THSD7A: variants seen among roughly 807,000 people sequenced by gnomAD.
THSD7A encodes the protein thrombospondin type 1 domain containing 7A.
In THSD7A, 96 loss-of-function variants were observed where a neutral mutation model predicts 231.3. The ratio of observed to expected loss-of-function variants is 0.41; its 90% confidence interval spans 0.35 to 0.49. The LOEUF (loss-of-function observed/expected upper bound fraction) is 0.49. THSD7A is among the 20% of genes least tolerant of loss of function. THSD7A has a pLI of 0.05. For missense variants in THSD7A, 2,290 were observed against 2,070.2 expected, an observed-to-expected ratio of 1.11 and a Z score of -2.06; for synonymous variants, 940 against 743.3, an observed-to-expected ratio of 1.26 and a Z score of -4.30.
intron 6 of THSD7A, among the ~76,000 whole-genome samples, chr7:11,510,558 T>C (rs147640956): frequency 1.9e-4 from 29 of 152,066 alleles, no homozygotes; most frequent in African/African-American, 7.0e-4. Context: ...CAGCAGCACA[T>C]CAAAAAGCTT....
intron 4 of THSD7A, among the ~76,000 whole-genome samples, chr7:11,545,210 G>A (rs1336950935): frequency 1.3e-5 from 2 of 151,974 alleles, no homozygotes; most frequent in Non-Finnish European, 2.9e-5. Context: ...AAAATGAGAG[G>A]TTTTGGGTAG....
chr7:11,508,949 A>T (rs1338242646), intron 6 of THSD7A, among the ~76,000 whole-genome samples: 1 of 152,214 alleles, frequency 6.6e-6, no homozygotes, highest in African/African-American at 2.4e-5. Flanking sequence ...GGAGAGGGAA[A>T]TGAAGACTTA....
intron 4 of THSD7A, among the ~76,000 whole-genome samples, chr7:11,563,133 A>G (rs1682576700): frequency 6.6e-6 from 1 of 152,116 alleles, no homozygotes; most frequent in African/African-American, 2.4e-5. Context: ...GAATCATAGA[A>G]GTTTATTTCC....
Position 11,812,239 on chromosome 7 carries a change from T to G in THSD7A, c.190+19518A>C, listed in dbSNP as rs1215182686. On this transcript the variant is annotated intron_variant, in intron 1 of 27. Coordinates refer to ENST00000423059, the MANE Select transcript of THSD7A (RefSeq NM_015204.3). ...GAAGAAGATTTAGAAAGTTTTGTTG[T>G]GTGGTGTTCAATTTAAACTCCTGCG... 2.6e-5 allele frequency among the ~76,000 whole-genome samples: 4 copies of G among 151,966 alleles called. No homozygotes were observed. In the East Asian group the frequency reaches 5.8e-4, roughly 22 times the overall value.
intron 1 of THSD7A, among the ~76,000 whole-genome samples, chr7:11,769,154 T>TATATATATA (rs1554275711): frequency 3.1e-4 from 9 of 29,378 alleles, no homozygotes; most frequent in East Asian, 1.3e-3. Flanking sequence ...TATATATATA[T>TATATATATA]TTTTTTTTTT....
intron 19 of THSD7A, 147 bp from the exon 20 acceptor site, chr7:11,407,570 A>G: frequency 1.6e-6 from 1 of 641,584 alleles, no homozygotes; most frequent in Non-Finnish European, 2.7e-6. Flanking sequence ...CATCCAAACT[A>G]TTGAAAGTAT....
intron 1 of THSD7A, among the ~76,000 whole-genome samples, chr7:11,785,608 C>G (rs78682781): frequency 0.013 from 1,946 of 152,212 alleles, 35 homozygotes; most frequent in African/African-American, 0.045. Context: ...CCTTAAATAT[C>G]TCCTGTACTC....
chr7:11,736,748 C>A (rs926006942), intron 1 of THSD7A, among the ~76,000 whole-genome samples: 2 of 151,840 alleles, frequency 1.3e-5, no homozygotes, highest in African/African-American at 4.8e-5. Context: ...CACATTCTGG[C>A]TTTCAAAGAA....
chr7:11,666,946 A>T (rs1783158356), intron 1 of THSD7A, among the ~76,000 whole-genome samples: 1 of 152,154 alleles, frequency 6.6e-6, no homozygotes, highest in Non-Finnish European at 1.5e-5. Context: ...TAAAATGTAT[A>T]CAGTTATCCA....
chr7:11,492,440 T>C (rs769097601), intron 6 of THSD7A, among the ~76,000 whole-genome samples: 10 of 152,180 alleles, frequency 6.6e-5, no homozygotes, highest in Middle Eastern at 6.8e-3. Flanking sequence ...GGGGAAATTA[T>C]GAAATAGCTT....
intron 1 of THSD7A, among the ~76,000 whole-genome samples, chr7:11,764,030 C>T (rs1277863091): frequency 6.6e-6 from 1 of 152,056 alleles, no homozygotes; most frequent in Non-Finnish European, 1.5e-5. Flanking sequence ...CTCTGTTTTT[C>T]CTTTCTTCCA....
Position 11,763,696 on chromosome 7 carries a change from T to C in THSD7A, c.190+68061A>G, listed in dbSNP as rs79628058. Among the ~76,000 whole-genome samples the C allele has an allele frequency of 5.5e-3, 831 of 152,240 alleles. 7 individuals carry two copies. The highest frequency in any genetic ancestry group is 0.019 in the African/African-American group (794 of 41,564). ...ATCACAATAACTCATTCTTTGAATG[T>C]CATTTCCCTTAATGATTATAGCAAT... On this transcript the variant is annotated intron_variant, in intron 1 of 27. Transcript: ENST00000423059.
intron 1 of THSD7A, among the ~76,000 whole-genome samples, chr7:11,723,107 G>A (rs1011059421): frequency 2.4e-4 from 37 of 151,894 alleles, no homozygotes; most frequent in African/African-American, 8.7e-4. Context: ...ACTGGATTAA[G>A]AAATGTGGCA....
intron 6 of THSD7A, among the ~76,000 whole-genome samples, chr7:11,493,874 C>A (rs1487084601): frequency 6.6e-6 from 1 of 151,894 alleles, no homozygotes; most frequent in African/African-American, 2.4e-5. Flanking sequence ...GGGGTAATAT[C>A]ATCTAGTTTA....
intron 13 of THSD7A, among the ~76,000 whole-genome samples, chr7:11,441,132 C>T (rs1393397324): frequency 6.6e-6 from 1 of 152,046 alleles, no homozygotes; most frequent in Admixed American, 6.6e-5. Flanking sequence ...TTTTGTGGAA[C>T]ACCTACTACT....
intron 1 of THSD7A, among the ~76,000 whole-genome samples, chr7:11,754,089 C>T (rs977888135): frequency 6.6e-6 from 1 of 151,900 alleles, no homozygotes; most frequent in African/African-American, 2.4e-5. Context: ...AGGAAAAAAG[C>T]ATTCAATAGA....
chr7:11,536,490 T>G (rs1309181637), intron 6 of THSD7A, among the ~76,000 whole-genome samples: 1 of 152,170 alleles, frequency 6.6e-6, no homozygotes, highest in Non-Finnish European at 1.5e-5. Context: ...GGACTCATCT[T>G]CTTTTCTCTG....
intron 4 of THSD7A, among the ~76,000 whole-genome samples, chr7:11,588,952 G>A (rs771827595): frequency 1.3e-5 from 2 of 152,116 alleles, no homozygotes; most frequent in African/African-American, 4.8e-5. Context: ...TAAAGTTAGT[G>A]GATACAGAAC....
At chr7:11,607,568 C>T (rs1400143546) in intron 2 of THSD7A, among the ~76,000 whole-genome samples, 1 of 151,708 alleles carries the variant, frequency 6.6e-6, no homozygotes, top group African/African-American at 2.4e-5. Context: ...CCACCTTTAA[C>T]TATGTTCAAG....
Sources: allele counts gnomAD v4.1 joint callset (sites outside exome capture counted in the v4.1 genomes callset), GRCh38; gene constraint gnomAD v4.1.1; transcripts MANE v1.5; gene names NCBI Gene and HGNC (gene_info 2026-07-23, HGNC 2026-07-21).